The following CSMD1 variants were observed in gnomAD, a reference collection of about 807,000 sequenced individuals.
CSMD1 encodes the protein CUB and sushi domain-containing protein 1.
In CSMD1, 213 loss-of-function variants were observed where a neutral mutation model predicts 417.5. That is an observed-to-expected ratio of 0.51 (90% CI 0.46 to 0.57). The LOEUF is 0.57. Among genes scored for constraint, CSMD1 ranks in the 20% least tolerant of loss-of-function variants. The pLI, the probability that CSMD1 is intolerant of heterozygous loss-of-function variation, is 0.00. For missense variants in CSMD1, 6,923 were observed against 4,529.7 expected, an observed-to-expected ratio of 1.53 and a Z score of -15.17; for synonymous variants, 2,862 against 1,736.8, an observed-to-expected ratio of 1.65 and a Z score of -16.11.
At chr8:3,980,231 C>T (rs942622394) in intron 5 of CSMD1, among the ~76,000 whole-genome samples, 7 of 152,192 alleles carry the variant, frequency 4.6e-5, no homozygotes, top group African/African-American at 1.7e-4. Context: ...CAACCATTGG[C>T]ATAGATGGGA....
intron 3 of CSMD1, among the ~76,000 whole-genome samples, chr8:4,108,671 T>C (rs1176357097): frequency 2.0e-5 from 3 of 152,172 alleles, no homozygotes; most frequent in Admixed American, 6.5e-5. Context: ...GACAAATTAT[T>C]TTCCCCCTTT....
intron 1 of CSMD1, among the ~76,000 whole-genome samples, chr8:4,690,183 A>C (rs1056709608): frequency 6.6e-6 from 1 of 152,190 alleles, no homozygotes; most frequent in Non-Finnish European, 1.5e-5. Context: ...TGTTATTTAC[A>C]TGTCAGTGCA....
intron 1 of CSMD1, among the ~76,000 whole-genome samples, chr8:4,920,249 G>C (rs550626580): frequency 4.7e-4 from 72 of 152,200 alleles, no homozygotes; most frequent in African/African-American, 1.6e-3. Flanking sequence ...ACTTATTCTA[G>C]AAAGTATTAT....
chr8:3,504,352 C>T (rs1051894256), intron 10 of CSMD1, among the ~76,000 whole-genome samples: 1 of 152,130 alleles, frequency 6.6e-6, no homozygotes, highest in Non-Finnish European at 1.5e-5. Flanking sequence ...AATTGTTTAA[C>T]CTTTCTTCTG....
In CSMD1 at chr8:4,867,299, T is replaced by A. The variant is rs1333387840; in HGVS notation, c.85+127033A>T. Among the ~76,000 whole-genome samples, 7 of 152,112 alleles carry A rather than the reference T, an allele frequency of 4.6e-5. 1 individual carries two copies. Among genetic ancestry groups the A allele is most frequent in the African/African-American group, 1.7e-4 (7 of 41,396 alleles). Reference sequence around the variant, plus strand: ...ACTCATCAATGTGCTTCTGGAAAATTAATTGCCCCACTGTTTATATCTTGT... The same window carrying A: ...ACTCATCAATGTGCTTCTGGAAAATAAATTGCCCCACTGTTTATATCTTGT... On this transcript the variant is annotated intron_variant, in intron 1 of 69. Transcript: ENST00000635120.
intron 5 of CSMD1, among the ~76,000 whole-genome samples, chr8:3,945,036 C>T (rs1563238986): frequency 6.6e-6 from 1 of 152,142 alleles, no homozygotes; most frequent in Non-Finnish European, 1.5e-5. Context: ...TCCAGGACAT[C>T]CAGAGAGAGC....
chr8:4,028,525 A>C (rs552527740), intron 4 of CSMD1, among the ~76,000 whole-genome samples: 1 of 152,190 alleles, frequency 6.6e-6, no homozygotes, highest in African/African-American at 2.4e-5. Context: ...AAATAGGCAA[A>C]TATGCAATAA....
intron 5 of CSMD1, among the ~76,000 whole-genome samples, chr8:3,921,319 A>T (rs896426952): frequency 6.6e-6 from 1 of 151,984 alleles, no homozygotes; most frequent in Admixed American, 6.6e-5. Context: ...ATAAGAGTTT[A>T]TCATTTTTGT....
intron 1 of CSMD1, among the ~76,000 whole-genome samples, chr8:4,959,670 G>C (rs760412868): frequency 2.1e-4 from 32 of 152,206 alleles, no homozygotes; most frequent in Non-Finnish European, 3.4e-4. Flanking sequence ...TATCTAGCTT[G>C]TCTAACTTTG....
intron 7 of CSMD1, among the ~76,000 whole-genome samples, chr8:3,620,092 G>A (rs1383248896): frequency 6.6e-6 from 1 of 151,916 alleles, no homozygotes; most frequent in African/African-American, 2.4e-5. Context: ...ACAGAGCAAG[G>A]CTCCAACTGA....
intron 6 of CSMD1, among the ~76,000 whole-genome samples, chr8:3,727,476 T>C (rs1447567021): frequency 6.6e-6 from 1 of 152,152 alleles, no homozygotes; most frequent in African/African-American, 2.4e-5. Context: ...TAAAAATGAA[T>C]AAAGAGTAAG....
intron 5 of CSMD1, among the ~76,000 whole-genome samples, chr8:3,822,346 C>G (rs10092945): frequency 0.2 from 29,933 of 152,028 alleles, 3,647 homozygotes; most frequent in East Asian, 0.33. Context: ...ACATCAAGTA[C>G]TTTAAAAGTC....
chr8:3,435,845 G>A (rs1243865539), intron 12 of CSMD1, among the ~76,000 whole-genome samples: 2 of 152,222 alleles, frequency 1.3e-5, no homozygotes, highest in African/African-American at 4.8e-5. Context: ...GGGGGCTGAT[G>A]CCTTGATTCC....
At position 3,492,489 on chromosome 8, in the gene CSMD1, T is replaced by A. The variant is rs139157506; in HGVS notation, c.1448+1134A>T. Reference sequence around the variant, plus strand: ...GAAAGACGCTTCTGGTTTAGTGGTTTCAAGATCTACAACATGAAGAGAAGC... The same window carrying A: ...GAAAGACGCTTCTGGTTTAGTGGTTACAAGATCTACAACATGAAGAGAAGC... On this transcript the variant is annotated intron_variant, in intron 11 of 69. Transcript: ENST00000635120. 4.6e-5 allele frequency among the ~76,000 whole-genome samples: 7 copies of A among 152,104 alleles called. No homozygotes were observed. The East Asian group carries it at 1.4e-3, about 29-fold the overall frequency.
At chr8:4,616,732 T>G (rs140057991) in intron 2 of CSMD1, among the ~76,000 whole-genome samples, 7 of 152,298 alleles carry the variant, frequency 4.6e-5, no homozygotes, top group African/African-American at 1.7e-4. Flanking sequence ...TGATCATCAT[T>G]GTGTATGTTT....
At chr8:3,291,384 T>G (rs1803548301) in intron 25 of CSMD1, among the ~76,000 whole-genome samples, 1 of 152,126 alleles carries the variant, frequency 6.6e-6, no homozygotes, top group African/African-American at 2.4e-5. Flanking sequence ...TTGATTGGAA[T>G]AATTGAATAA....
At chr8:3,777,868 G>T (rs1024280245) in intron 5 of CSMD1, among the ~76,000 whole-genome samples, 5 of 149,856 alleles carry the variant, frequency 3.3e-5, no homozygotes, top group African/African-American at 1.0e-4. Flanking sequence ...TCCCACTCCA[G>T]ACCCGCAGTC....
At chr8:3,025,448 G>C (rs542093004) in intron 51 of CSMD1, among the ~76,000 whole-genome samples, 56 of 151,526 alleles carry the variant, frequency 3.7e-4, no homozygotes, top group African/African-American at 1.2e-3. Flanking sequence ...GTATTGTGTG[G>C]TGTTCTTCTG....
chr8:4,889,647 G>A (rs1803977877), intron 1 of CSMD1, among the ~76,000 whole-genome samples: 2 of 152,012 alleles, frequency 1.3e-5, no homozygotes, highest in Admixed American at 6.5e-5. Flanking sequence ...ATAAGAGACT[G>A]CAAATATAAG....
Sources: gnomAD v4.1 joint callset for allele counts (sites outside exome capture counted in the v4.1 genomes callset) on GRCh38, gnomAD v4.1.1 for gene constraint, MANE v1.5 for transcripts, NCBI Gene and HGNC (gene_info 2026-07-23, HGNC 2026-07-21) for gene names.